The following RGS6 variants were observed in gnomAD, a reference collection of about 807,000 sequenced individuals.
RGS6 encodes the protein regulator of G-protein signaling 6.
RGS6 carries 30 observed loss-of-function variants against 78.5 expected under a neutral mutation model. The observed-to-expected ratio is 0.38, with a 90% CI of 0.29 to 0.52. RGS6 has a LOEUF of 0.52. RGS6 is among the 20% of genes least tolerant of loss of function. The probability of loss-of-function intolerance (pLI) is 0.85; values close to 1 mark genes in which losing one functional copy is unlikely to be tolerated. For synonymous variants in RGS6, 206 were observed against 206.0 expected (o/e 1.00, Z 0.00); for missense variants, 495 against 609.7 (o/e 0.81, Z 1.98).
chr14:72,245,393 A>T (rs1184834934), intron 2 of RGS6, among the ~76,000 whole-genome samples: 1 of 152,210 alleles, frequency 6.6e-6, no homozygotes, highest in Admixed American at 6.5e-5. Context: ...CCATGTATTT[A>T]TTTACAGCAA....
chr14:72,325,280 A>G (rs569609869), intron 2 of RGS6, among the ~76,000 whole-genome samples: 1 of 152,192 alleles, frequency 6.6e-6, no homozygotes, highest in East Asian at 1.9e-4. Context: ...TACATTGCAA[A>G]CGTTTTCTCC....
At chr14:72,326,111 T>C (rs925002834) in intron 2 of RGS6, among the ~76,000 whole-genome samples, 2 of 152,236 alleles carry the variant, frequency 1.3e-5, no homozygotes, top group East Asian at 3.8e-4. Flanking sequence ...TACATGAATA[T>C]GCTTTGTCAT....
chr14:72,031,921 G>T (rs2090961674), intron 2 of RGS6, among the ~76,000 whole-genome samples: 1 of 152,122 alleles, frequency 6.6e-6, no homozygotes, highest in Non-Finnish European at 1.5e-5. Context: ...TTTAATGTTT[G>T]CAGTGCCAAT....
chr14:72,622,594 A>G, the RGS6 span, among the ~76,000 whole-genome samples: 1 of 152,162 alleles, frequency 6.6e-6, no homozygotes, highest in African/African-American at 2.4e-5. Flanking sequence ...AAGGAAAACT[A>G]GGCATCTGAG....
intron 2 of RGS6, among the ~76,000 whole-genome samples, chr14:72,054,870 C>T (rs2093536044): frequency 6.6e-6 from 1 of 152,132 alleles, no homozygotes; most frequent in South Asian, 2.1e-4. Flanking sequence ...AGGTATCATC[C>T]CTGGCTTATA....
intron 2 of RGS6, among the ~76,000 whole-genome samples, chr14:71,981,480 A>G (rs1411508060): frequency 1.3e-5 from 2 of 151,852 alleles, no homozygotes; most frequent in East Asian, 1.9e-4. Context: ...CTTCTAACAG[A>G]CAGGACCCTC....
At chr14:71,972,666 G>A (rs149476593) in intron 2 of RGS6, among the ~76,000 whole-genome samples, 16 of 152,262 alleles carry the variant, frequency 1.1e-4, no homozygotes, top group Non-Finnish European at 2.2e-4. Flanking sequence ...TGGAGGGAGA[G>A]TGTTGGAGAA....
chr14:72,356,357 C>T (rs565218530), intron 3 of RGS6, among the ~76,000 whole-genome samples: 26 of 152,234 alleles, frequency 1.7e-4, no homozygotes, highest in Admixed American at 1.6e-3. Flanking sequence ...GCCTTTTTTC[C>T]CCTTTACCTT....
intron 1 of RGS6, among the ~76,000 whole-genome samples, chr14:71,948,939 ACTTT>A (rs1311512085): frequency 3.3e-5 from 5 of 151,778 alleles, no homozygotes; most frequent in Admixed American, 1.3e-4. Flanking sequence ...ATGCCTGTAC[ACTTT>A]CTTTCTAGAT....
intron 2 of RGS6, among the ~76,000 whole-genome samples, chr14:72,159,682 A>G (rs1294789357): frequency 6.6e-6 from 1 of 152,182 alleles, no homozygotes; most frequent in African/African-American, 2.4e-5. Context: ...AGTGCTCCAC[A>G]TATGGCCTGT....
At chr14:72,310,140 T>C (rs911962060) in intron 2 of RGS6, among the ~76,000 whole-genome samples, 4 of 152,188 alleles carry the variant, frequency 2.6e-5, no homozygotes, top group Admixed American at 6.5e-5. Context: ...GGTGTTCCCA[T>C]AGCCCTGTGC....
chr14:72,082,702 T>C (rs1343623215), intron 2 of RGS6, among the ~76,000 whole-genome samples: 1 of 152,098 alleles, frequency 6.6e-6, no homozygotes, highest in Non-Finnish European at 1.5e-5. Context: ...GTTTTCAAAA[T>C]TAAAGTAATA....
intron 13 of RGS6, among the ~76,000 whole-genome samples, chr14:72,508,249 C>T (rs980541235): frequency 6.6e-6 from 1 of 152,126 alleles, no homozygotes; most frequent in Non-Finnish European, 1.5e-5. Flanking sequence ...ACTGCTGTTG[C>T]TGATTATGTG....
intron 3 of RGS6, among the ~76,000 whole-genome samples, chr14:72,363,758 T>TAAG (rs750376895): frequency 2.6e-5 from 4 of 152,138 alleles, no homozygotes; most frequent in Non-Finnish European, 4.4e-5. Flanking sequence ...TGGAGGCCTC[T>TAAG]ATTACAGTGA....
At chr14:72,090,712 A>G (rs944343059) in intron 2 of RGS6, among the ~76,000 whole-genome samples, 6 of 152,128 alleles carry the variant, frequency 3.9e-5, no homozygotes, top group African/African-American at 1.4e-4. Flanking sequence ...GGGTCTTCTT[A>G]GAGGTTAAAG....
At chr14:72,082,941 G>A (rs947057796) in intron 2 of RGS6, among the ~76,000 whole-genome samples, 1 of 152,056 alleles carries the variant, frequency 6.6e-6, no homozygotes, top group Non-Finnish European at 1.5e-5. Context: ...CACACAAAAG[G>A]CTACTCAGCT....
At chr14:72,015,058 C>T (rs544540538) in intron 2 of RGS6, among the ~76,000 whole-genome samples, 1 of 152,270 alleles carries the variant, frequency 6.6e-6, no homozygotes, top group Admixed American at 6.5e-5. Flanking sequence ...ATACCCGAGA[C>T]TGGGTAATTA....
intron 2 of RGS6, among the ~76,000 whole-genome samples, chr14:72,253,023 T>A (rs1278225057): frequency 2.6e-5 from 4 of 152,228 alleles, no homozygotes; most frequent in Non-Finnish European, 5.9e-5. Context: ...GCACGGTCAG[T>A]TGTGTCAGCA....
the RGS6 span, among the ~76,000 whole-genome samples, chr14:71,919,069 A>G: frequency 1.3e-5 from 2 of 152,170 alleles, no homozygotes; most frequent in African/African-American, 4.8e-5. Flanking sequence ...AGAAAAGAGA[A>G]AAGAGCTTTC....
Sources: gnomAD v4.1 joint callset for allele counts (sites outside exome capture counted in the v4.1 genomes callset) on GRCh38, gnomAD v4.1.1 for gene constraint, MANE v1.5 for transcripts, NCBI Gene and HGNC (gene_info 2026-07-23, HGNC 2026-07-21) for gene names.